Variants in MACROD2 observed in about 807,000 individuals in gnomAD.
MACROD2 encodes mono-ADP ribosylhydrolase 2.
MACROD2 carries 36 observed loss-of-function variants against 70.4 expected under a neutral mutation model. That is an observed-to-expected ratio of 0.51 (90% CI 0.39 to 0.68). The LOEUF is 0.68. MACROD2 is among the 30% of genes least tolerant of loss of function. The probability of loss-of-function intolerance (pLI) is 0.00; values close to 1 mark genes in which losing one functional copy is unlikely to be tolerated. For synonymous variants in MACROD2, 172 were observed against 178.8 expected, an observed-to-expected ratio of 0.96 and a Z score of 0.30; for missense variants, 496 against 538.4, an observed-to-expected ratio of 0.92 and a Z score of 0.78.
At chr20:15,012,790 A>T (rs1031240914) in intron 5 of MACROD2, among the ~76,000 whole-genome samples, 2 of 152,066 alleles carry the variant, frequency 1.3e-5, no homozygotes, top group Admixed American at 1.3e-4. Flanking sequence ...GTTCCACCCC[A>T]GGGCTGCCTG....
intron 12 of MACROD2, among the ~76,000 whole-genome samples, chr20:15,961,225 T>A (rs2066056263): frequency 6.6e-6 from 1 of 152,106 alleles, no homozygotes; most frequent in African/African-American, 2.4e-5. Flanking sequence ...TTCGCCTCAG[T>A]TCTTTCTCAC....
At chr20:15,921,272 C>T (rs1428573783) in intron 10 of MACROD2, among the ~76,000 whole-genome samples, 2 of 152,206 alleles carry the variant, frequency 1.3e-5, no homozygotes, top group African/African-American at 4.8e-5. Context: ...AATGTACATG[C>T]TTCCTCTCAC....
intron 4 of MACROD2, among the ~76,000 whole-genome samples, chr20:14,642,759 A>G (rs1423745019): frequency 6.6e-6 from 1 of 152,130 alleles, no homozygotes; most frequent in African/African-American, 2.4e-5. Context: ...AACAATTGCA[A>G]TAGTAACATC....
At chr20:14,733,997 A>G (rs1189879198) in intron 5 of MACROD2, among the ~76,000 whole-genome samples, 5 of 152,150 alleles carry the variant, frequency 3.3e-5, no homozygotes, top group African/African-American at 1.2e-4. Flanking sequence ...GTTAGAAAAT[A>G]TCAGATACTG....
chr20:15,315,061 T>C (rs1171715538), intron 6 of MACROD2, among the ~76,000 whole-genome samples: 1 of 152,102 alleles, frequency 6.6e-6, no homozygotes, highest in African/African-American at 2.4e-5. Context: ...TTCAAGTAGG[T>C]AGAAGAAAGA....
chr20:14,814,142 A>G lies in MACROD2; in HGVS notation c.418+129183A>G, dbSNP rs543562476. 3.9e-5 allele frequency among the ~76,000 whole-genome samples: 6 copies of G among 152,222 alleles called. No homozygotes were observed. In the South Asian group the frequency reaches 1.0e-3, roughly 26 times the overall value. On this transcript the variant is annotated intron_variant, in intron 5 of 17. Coordinates refer to ENST00000684519, the MANE Select transcript of MACROD2 (RefSeq NM_001351661.2). ...CAGCAACTTTGTAGATAATCTTTAA[A>G]CATCAGAATGGAGAAAGTGGAAGAT...
At chr20:14,688,562 T>C (rs1019969162) in intron 5 of MACROD2, among the ~76,000 whole-genome samples, 3 of 149,434 alleles carry the variant, frequency 2.0e-5, no homozygotes, top group Admixed American at 6.7e-5. Flanking sequence ...CAATATTTCA[T>C]TGAAGGCTAT....
intron 8 of MACROD2, among the ~76,000 whole-genome samples, chr20:15,577,669 A>G (rs1415446421): frequency 6.6e-6 from 1 of 152,094 alleles, no homozygotes; most frequent in Non-Finnish European, 1.5e-5. Flanking sequence ...TTATGTGGGC[A>G]TGTGTTCCCC....
At chr20:14,424,953 T>C (rs548136935) in intron 3 of MACROD2, among the ~76,000 whole-genome samples, 156 of 152,338 alleles carry the variant, frequency 1.0e-3, no homozygotes, top group African/African-American at 3.6e-3. Context: ...GTTTATCACA[T>C]TGAATTCTTT....
intron 3 of MACROD2, among the ~76,000 whole-genome samples, chr20:14,267,348 A>C (rs548623612): frequency 6.6e-6 from 1 of 152,278 alleles, no homozygotes; most frequent in South Asian, 2.1e-4. Flanking sequence ...GGGCTAGAAT[A>C]TAAAACAAAA....
At chr20:15,123,134 A>G (rs1451372326) in intron 5 of MACROD2, among the ~76,000 whole-genome samples, 1 of 152,160 alleles carries the variant, frequency 6.6e-6, no homozygotes, top group Non-Finnish European at 1.5e-5. Context: ...AGTTTAGACC[A>G]AAGAGACTTG....
At chr20:15,382,241 A>G (rs2045654604) in intron 6 of MACROD2, among the ~76,000 whole-genome samples, 1 of 152,094 alleles carries the variant, frequency 6.6e-6, no homozygotes, top group African/African-American at 2.4e-5. Context: ...CTTTCCACCT[A>G]CAACAGGCCT....
In MACROD2 at chr20:15,734,682, C is replaced by T. The variant is rs149449884; in HGVS notation, c.646-128063C>T. On this transcript the variant is annotated intron_variant, in intron 8 of 17. Transcript: ENST00000684519. ...TCAACAAGATGCCTTTTACCTATTT[C>T]TTGTCCCTTTTATATAATTTCTGGC... is the stretch of plus-strand genomic sequence containing the variant. 4.4e-4 allele frequency among the ~76,000 whole-genome samples: 67 copies of T among 152,254 alleles called. 2 individuals are homozygous for T. The East Asian group carries it at 0.013, about 29-fold the overall frequency.
intron 8 of MACROD2, among the ~76,000 whole-genome samples, chr20:15,727,374 A>G (rs2050880263): frequency 6.6e-6 from 1 of 152,136 alleles, no homozygotes. Context: ...AAGTAATGTG[A>G]TGGCTCCAGC....
chr20:14,234,832 A>G (rs572594703), intron 3 of MACROD2, among the ~76,000 whole-genome samples: 1 of 152,338 alleles, frequency 6.6e-6, no homozygotes, highest in African/African-American at 2.4e-5. Flanking sequence ...TTGGGAGATC[A>G]GCATTACTCA....
At chr20:15,351,601 A>G (rs1458703247) in intron 6 of MACROD2, among the ~76,000 whole-genome samples, 2 of 152,118 alleles carry the variant, frequency 1.3e-5, no homozygotes, top group East Asian at 1.9e-4. Flanking sequence ...TTCCCTCTAA[A>G]AAGTCATAGC....
At chr20:14,899,488 T>A (rs945100126) in intron 5 of MACROD2, among the ~76,000 whole-genome samples, 1 of 152,158 alleles carries the variant, frequency 6.6e-6, no homozygotes. Context: ...ATTGCTTGGT[T>A]TGTAGAAGCA....
intron 5 of MACROD2, among the ~76,000 whole-genome samples, chr20:14,753,418 A>T (rs1384134729): frequency 1.3e-5 from 2 of 152,134 alleles, no homozygotes; most frequent in African/African-American, 4.8e-5. Context: ...ATGTGTAAGT[A>T]TAGGTGTGTG....
intron 8 of MACROD2, among the ~76,000 whole-genome samples, chr20:15,538,433 A>G: frequency 6.6e-6 from 1 of 152,254 alleles, no homozygotes; most frequent in East Asian, 1.9e-4. Context: ...TGATTCTATT[A>G]ACCCCTTTTT....
Sources: allele counts gnomAD v4.1 joint callset (sites outside exome capture counted in the v4.1 genomes callset), GRCh38; gene constraint gnomAD v4.1.1; transcripts MANE v1.5; gene names NCBI Gene and HGNC (gene_info 2026-07-23, HGNC 2026-07-21).